Variants in CEP290 observed in about 807,000 individuals in gnomAD.
CEP290 encodes the protein centrosomal protein of 290 kDa.
In CEP290, 317 loss-of-function variants were observed where a neutral mutation model predicts 344.9. The observed-to-expected ratio is 0.92, with a 90% confidence interval of 0.84 to 1.01. The LOEUF (loss-of-function observed/expected upper bound fraction) is 1.01, where lower values mean the gene tolerates loss of function less well. Ranked by LOEUF, CEP290 falls within the 50% of genes least tolerant of loss-of-function variation. CEP290 has a pLI of 0.00. For synonymous variants in CEP290, 932 were observed against 895.8 expected (o/e 1.04, Z -0.72); for missense variants, 2,754 against 2,761.4 (o/e 1.00, Z 0.06).
At chr12:88,139,213 A>T (rs772682737) in intron 4 of CEP290, 22 bp from the exon 5 acceptor site, 33 of 1,024,192 alleles carry the variant, frequency 3.2e-5, no homozygotes, top group Non-Finnish European at 4.4e-5. Context: ...AAAAAAAAGA[A>T]AAACGTTTTA....
chr12:88,117,288 C>T, intron 17 of CEP290, 143 bp from the exon 18 acceptor site: 1 of 541,068 alleles, frequency 1.8e-6, no homozygotes, highest in Non-Finnish European at 3.3e-6. Context: ...TTCTACATAG[C>T]CAATACAAGC....
chr12:88,063,559 T>G (rs1264450815), intron 45 of CEP290, among the ~76,000 whole-genome samples: 3 of 152,080 alleles, frequency 2.0e-5, no homozygotes, highest in African/African-American at 7.2e-5. Flanking sequence ...TACCCCTCCT[T>G]AGCTCTCTGT....
chr12:88,064,006 G>T lies in CEP290; in HGVS notation c.6245C>A (p.Ala2082Glu), dbSNP rs767592034. The change falls in exon 45 of 54, where the codon GCA (alanine) becomes GAA (glutamate). Residue 2082 changes from alanine (A) to glutamate (E), a missense_variant. By Grantham distance (107) the Ala-to-Glu change is moderately radical (BLOSUM62 -1). Coordinates refer to ENST00000552810, the MANE Select transcript of CEP290 (RefSeq NM_025114.4). ...CTTTAATCTTGGCAAATCTTTATTTGCTTGTTCAAGCTGAAATTTCAGTTC... is the reference window on the plus strand; with the variant it reads ...CTTTAATCTTGGCAAATCTTTATTTTCTTGTTCAAGCTGAAATTTCAGTTC... ...NIELKFQLEQANKDLPRLKNQ... is the reference protein window; with the variant it reads ...NIELKFQLEQENKDLPRLKNQ... The T allele has an allele frequency of 1.3e-6, 2 of 1,597,164 alleles. No homozygotes were observed. Among genetic ancestry groups the T allele is most frequent in the Non-Finnish European group, 1.7e-6 (2 of 1,171,926 alleles).
chr12:88,077,560 A>G lies in CEP290; in HGVS notation c.5586+137T>C, dbSNP rs1453487936. 17 of 693,930 alleles carry G rather than the reference A, an allele frequency of 2.4e-5. No individual in the cohort carries two copies. In the East Asian group the frequency reaches 4.8e-4, roughly 20 times the overall value. 43.0% of individuals were successfully genotyped at this position (693,930 alleles called of 1,614,324 possible). A position where few individuals can be genotyped will look rare whatever the true frequency, so the allele number is the denominator to read the frequency against. On this transcript the variant is annotated intron_variant, in intron 40 of 53. Coordinates refer to ENST00000552810, the MANE Select transcript of CEP290 (RefSeq NM_025114.4). ...GAACTATAAACACAATAGAAGTCAC[A>G]AAAGAAATTAATTACATTAATCAAA...
rs2035419267 is a variant in CEP290, at chr12:88,072,060, G to GATCAACCAA, written c.5710-135_5710-134insTTGGTTGAT. ...GAGAATATGTAAATATGTTCATTTTGCTATACAGGTTGAGTATCCCTTACG... is the reference window on the plus strand; with the variant it reads ...GAGAATATGTAAATATGTTCATTTTGATCAACCAACTATACAGGTTGAGTATCCCTTACG... On this transcript the variant is annotated intron_variant, in intron 41 of 53. Transcript: ENST00000552810. 7.1e-6 allele frequency: 6 copies of GATCAACCAA among 849,532 alleles called. No individual in the cohort carries two copies. The Admixed American group carries it at 2.2e-4, about 32-fold the overall frequency. 52.6% of individuals were successfully genotyped at this position (849,532 alleles called of 1,614,324 possible). A position where few individuals can be genotyped will look rare whatever the true frequency, so the allele number is the denominator to read the frequency against.
rs963476397 is a variant in CEP290, at chr12:88,124,417, C to T, written c.1189+829G>A. ...CCTTTAAGTATTGGTTCAATTATCT[C>T]CTGAGCAAGGCTTTTGCTTCATTTT... On this transcript the variant is annotated intron_variant, in intron 13 of 53. Coordinates refer to ENST00000552810, the MANE Select transcript of CEP290 (RefSeq NM_025114.4). Among the ~76,000 whole-genome samples, 5 of 152,160 alleles carry T rather than the reference C, an allele frequency of 3.3e-5. No homozygotes were observed. The highest frequency in any genetic ancestry group is 3.2e-3 in the Middle Eastern group (1 of 316).
At position 88,101,253 on chromosome 12, in the gene CEP290, G is replaced by A. The variant is rs572705221; in HGVS notation, c.2991+1585C>T. 2.4e-4 allele frequency among the ~76,000 whole-genome samples: 36 copies of A among 151,750 alleles called. 1 individual carries two copies. The South Asian group carries it at 4.6e-3, about 19-fold the overall frequency. ...TCCCAGCACTTTAGGAGGCCGAGGCGGGTGGATCACGAGTTCAGGAGATCG... is the reference window on the plus strand; with the variant it reads ...TCCCAGCACTTTAGGAGGCCGAGGCAGGTGGATCACGAGTTCAGGAGATCG... On this transcript the variant is annotated intron_variant, in intron 26 of 53. Transcript: ENST00000552810.
rs545042500 is a variant in CEP290 at position 88,089,968 on chromosome 12, G to A, written c.3574-481C>T. Among the ~76,000 whole-genome samples, 7 of 151,938 alleles carry A rather than the reference G, an allele frequency of 4.6e-5. No homozygotes were observed. In the South Asian group the frequency reaches 1.0e-3, roughly 23 times the overall value. ...TCTCGAACTCCTGACCTCGTGATCC[G>A]CCTGCCTCGGCCTCCCAGAGTGCTG... On this transcript the variant is annotated intron_variant, in intron 30 of 53. Coordinates refer to ENST00000552810, the MANE Select transcript of CEP290 (RefSeq NM_025114.4).
At chr12:88,133,240 T>A (rs928387029) in intron 6 of CEP290, among the ~76,000 whole-genome samples, 2 of 151,836 alleles carry the variant, frequency 1.3e-5, no homozygotes, top group African/African-American at 4.8e-5. Context: ...CATGACCAGT[T>A]AATTTTTGTT....
intron 18 of CEP290, 45 bp downstream of exon 18, chr12:88,116,988 A>T: frequency 9.2e-7 from 1 of 1,086,230 alleles, no homozygotes; most frequent in African/African-American, 1.6e-5. Context: ...AAAAAAAAAA[A>T]AAAAAATATT....
chr12:88,131,270 AAT>A (rs2040054239), intron 6 of CEP290, 52 bp from the exon 7 acceptor site: 24 of 1,266,722 alleles, frequency 1.9e-5, no homozygotes, highest in East Asian at 3.2e-5. Context: ...ATTCAGCAGT[AAT>A]TTTTTTTTTT....
At chr12:88,055,741 A>T in intron 49 of CEP290, 24 bp from the exon 50 acceptor site, 1 of 1,417,232 alleles carries the variant, frequency 7.1e-7, no homozygotes, top group Non-Finnish European at 9.4e-7. Context: ...GAAAAAAAGT[A>T]TAGACATGGC....
Position 88,109,066 on chromosome 12 carries a change from C to T in CEP290, c.2483G>A (p.Ser828Asn). ...TTTATAGTTTTGCTAATACCTATAC[C>T]TTAGGTATTCTTTATACAACAAACT... is the stretch of plus-strand genomic sequence containing the variant. ...QQSLLYKEYL[S>N]EKETWKTESK... is the part of the protein sequence containing the mutation. The change falls in exon 23 of 54, where the codon AGT becomes AAT. Residue 828 changes from serine (S) to asparagine (N), a missense_variant and splice_region_variant. Coordinates refer to ENST00000552810, the MANE Select transcript of CEP290 (RefSeq NM_025114.4). The T allele has an allele frequency of 8.9e-7, 1 of 1,126,290 alleles. No individual in the cohort carries two copies. Among genetic ancestry groups the T allele is most frequent in the Non-Finnish European group, 1.3e-6 (1 of 798,762 alleles). 69.8% of individuals were successfully genotyped at this position (1,126,290 alleles called of 1,614,324 possible).
At chr12:88,097,631 A>G (rs2037535423) in intron 26 of CEP290, among the ~76,000 whole-genome samples, 1 of 151,594 alleles carries the variant, frequency 6.6e-6, no homozygotes, top group Non-Finnish European at 1.5e-5. Context: ...ACACACACAC[A>G]CACACACATA....
chr12:88,102,641 T>TTGTG (rs59853208), intron 26 of CEP290, among the ~76,000 whole-genome samples, 197 bp downstream of exon 26: 1 of 151,146 alleles, frequency 6.6e-6, no homozygotes, highest in Non-Finnish European at 1.5e-5. Flanking sequence ...AGATAATATA[T>TTGTG]TGTGTGTGTG....
rs183396688 is a variant in CEP290 at position 88,078,740 on chromosome 12, T to C, written c.5364+352A>G. On this transcript the variant is annotated intron_variant, in intron 39 of 53. Coordinates refer to ENST00000552810, the MANE Select transcript of CEP290 (RefSeq NM_025114.4). ...AATGTACCACTTTCAGGGTAGGAGATATACAGGAAATCTCTGTACCTTCCT... is the reference window on the plus strand; with the variant it reads ...AATGTACCACTTTCAGGGTAGGAGACATACAGGAAATCTCTGTACCTTCCT... Among the ~76,000 whole-genome samples, 58 of 152,190 alleles carry C rather than the reference T, an allele frequency of 3.8e-4. No individual in the cohort carries two copies. In the East Asian group the frequency reaches 9.5e-3, roughly 25 times the overall value.
At chr12:88,050,191 T>C in intron 53 of CEP290, 163 bp downstream of exon 53, 1 of 506,478 alleles carries the variant, frequency 2.0e-6, no homozygotes, top group East Asian at 3.5e-5. Flanking sequence ...TTAACTCTAA[T>C]ATGTTAGGAA....
At chr12:88,084,469 C>A in intron 35 of CEP290, 117 bp downstream of exon 35, 1 of 973,078 alleles carries the variant, frequency 1.0e-6, no homozygotes, top group African/African-American at 1.6e-5. Context: ...AGTAACAATT[C>A]TTAAATAGAA....
chr12:88,096,490 C>T (rs1359602746), intron 27 of CEP290, among the ~76,000 whole-genome samples: 1 of 152,064 alleles, frequency 6.6e-6, no homozygotes, highest in Non-Finnish European at 1.5e-5. Flanking sequence ...AACTTCTTTT[C>T]ACATTTTCTT....
Sources: allele counts gnomAD v4.1 joint callset (sites outside exome capture counted in the v4.1 genomes callset), GRCh38; gene constraint gnomAD v4.1.1; transcripts MANE v1.5; gene names NCBI Gene and HGNC (gene_info 2026-07-23, HGNC 2026-07-21).